The following FKBP1B variants were observed in gnomAD, a reference collection of about 807,000 sequenced individuals.
FKBP1B encodes peptidyl-prolyl cis-trans isomerase FKBP1B.
Under a neutral mutation model 13.5 loss-of-function variants are expected in FKBP1B, and 4 were observed. The observed-to-expected ratio is 0.30, with a 90% CI of 0.15 to 0.68. The LOEUF is 0.68. Among genes scored for constraint, FKBP1B ranks in the 30% least tolerant of loss-of-function variants. FKBP1B has a pLI of 0.76. For synonymous variants in FKBP1B, 54 were observed against 53.6 expected, an observed-to-expected ratio of 1.01 and a Z score of -0.03; for missense variants, 93 against 136.2, an observed-to-expected ratio of 0.68 and a Z score of 1.58.
chr2:24,062,970 T>C, intron 3 of FKBP1B, 94 bp from the exon 4 acceptor site: 2 of 1,573,874 alleles, frequency 1.3e-6, no homozygotes, highest in Middle Eastern at 1.7e-4. Context: ...ACATTGAGGA[T>C]GGTTTGGGAA....
At chr2:24,038,598 A>G in the FKBP1B span, 3 of 1,614,040 alleles carry the variant, frequency 1.9e-6, no homozygotes, top group Non-Finnish European at 2.5e-6. Context: ...GACAAATAAG[A>G]GAATTACCCT....
chr2:24,035,912 T>C, the FKBP1B span, among the ~76,000 whole-genome samples: 2 of 151,360 alleles, frequency 1.3e-5, no homozygotes, highest in African/African-American at 4.9e-5. Flanking sequence ...CTACTAAGAA[T>C]ACAAAAATTA....
the FKBP1B span, chr2:24,038,240 A>G: frequency 6.2e-7 from 1 of 1,614,162 alleles, no homozygotes; most frequent in Non-Finnish European, 8.5e-7. Context: ...TACTGATCAG[A>G]CTTTGAAGAA....
chr2:24,053,321 G>T (rs889885135), intron 1 of FKBP1B, among the ~76,000 whole-genome samples: 2 of 143,948 alleles, frequency 1.4e-5, no homozygotes, highest in African/African-American at 5.2e-5. Flanking sequence ...TAGAGATGGG[G>T]TCTCCCTATG....
In FKBP1B at chr2:24,051,625, G is replaced by A. The variant is rs566757734; in HGVS notation, c.37+1739G>A. Among the ~76,000 whole-genome samples the A allele has an allele frequency of 7.9e-5, 12 of 152,314 alleles. No individual in the cohort carries two copies. In the South Asian group the frequency reaches 1.2e-3, roughly 16 times the overall value. ...CACAGTTGAAACAGACAGGGTTCCC[G>A]CTATTGCTGGACTGAGGGCCTTTGA... On this transcript the variant is annotated intron_variant, in intron 1 of 3. Coordinates refer to ENST00000380986, the MANE Select transcript of FKBP1B (RefSeq NM_004116.5).
At chr2:24,055,194 C>CTTTTTTTTT (rs71395180) in intron 2 of FKBP1B, among the ~76,000 whole-genome samples, 2 of 131,178 alleles carry the variant, frequency 1.5e-5, no homozygotes, top group Non-Finnish European at 3.3e-5. Flanking sequence ...CATTGTTTTT[C>CTTTTTTTTT]TTTTTTTTTT....
the FKBP1B span, among the ~76,000 whole-genome samples, chr2:24,043,317 C>T: frequency 6.6e-6 from 1 of 152,108 alleles, no homozygotes. Flanking sequence ...GCCTGGACAA[C>T]AGAGTGAGAC....
At chr2:24,039,145 TG>T in the FKBP1B span, 1 of 1,614,182 alleles carries the variant, frequency 6.2e-7, no homozygotes, top group Non-Finnish European at 8.5e-7. Flanking sequence ...CACACAGCCC[TG>T]GGGAAGGATA....
intron 2 of FKBP1B, among the ~76,000 whole-genome samples, chr2:24,056,892 T>C (rs1372427324): frequency 1.3e-5 from 2 of 152,082 alleles, no homozygotes; most frequent in Admixed American, 1.3e-4. Flanking sequence ...GGTTTCGCCA[T>C]GTTGGCCAGG....
chr2:24,050,124 C>T lies in FKBP1B; in HGVS notation c.37+238C>T, dbSNP rs970999666. On this transcript the variant is annotated intron_variant, in intron 1 of 3. Transcript: ENST00000380986. The surrounding 1 kb of genome is among the most constrained non-coding windows in gnomAD (Gnocchi z 5.8). ...AGCTCGGAGGCGGGGGTCTGCGGCCCGGAGGCGGGGGTCTGCGGCCCGCCA... is the reference window on the plus strand; with the variant it reads ...AGCTCGGAGGCGGGGGTCTGCGGCCTGGAGGCGGGGGTCTGCGGCCCGCCA... 2.6e-5 allele frequency among the ~76,000 whole-genome samples: 4 copies of T among 151,814 alleles called. No homozygotes were observed. Among genetic ancestry groups the T allele is most frequent in the Non-Finnish European group, 4.4e-5 (3 of 67,910 alleles).
intron 2 of FKBP1B, among the ~76,000 whole-genome samples, chr2:24,056,650 A>C (rs1366130188): frequency 1.3e-5 from 2 of 151,790 alleles, no homozygotes; most frequent in Non-Finnish European, 2.9e-5. Flanking sequence ...TCCTCTTTAG[A>C]CTGCTCTAAT....
upstream of FKBP1B, among the ~76,000 whole-genome samples, chr2:24,048,531 TG>T (rs1398940122): frequency 6.0e-5 from 9 of 150,554 alleles, no homozygotes; most frequent in Admixed American, 3.3e-4. Context: ...TTACCCAGGC[TG>T]GTCTTGAACT....
Position 24,049,891 on chromosome 2 carries a change from CG to C in FKBP1B, c.37+8del, listed in dbSNP as rs1383128882. ...AGACCATCTCCCCCGGAGACGGTAC[CG>C]GGCTCCCTCCGGAGCCAGGGGAGGG... On this transcript the variant is annotated splice_donor_region_variant and intron_variant, in intron 1 of 3. Transcript: ENST00000380986. 5.7e-6 allele frequency: 8 copies of C among 1,410,132 alleles called. No homozygotes were observed. The African/African-American group carries it at 1.2e-4, about 21-fold the overall frequency. 87.4% of individuals were successfully genotyped at this position (1,410,132 alleles called of 1,614,324 possible).
chr2:24,036,175 C>T, the FKBP1B span, among the ~76,000 whole-genome samples: 2 of 151,752 alleles, frequency 1.3e-5, no homozygotes, highest in East Asian at 3.9e-4. Context: ...ACTGAAAACT[C>T]CATGTAGTTA....
At chr2:24,046,142 G>A (rs1663619884), upstream of FKBP1B, among the ~76,000 whole-genome samples, 1 of 151,924 alleles carries the variant, frequency 6.6e-6, no homozygotes, top group African/African-American at 2.4e-5. Context: ...AGTAGGGGAG[G>A]AACGTGTGTA....
intron 2 of FKBP1B, among the ~76,000 whole-genome samples, chr2:24,058,804 C>T (rs939339343): frequency 6.6e-6 from 1 of 152,226 alleles, no homozygotes; most frequent in African/African-American, 2.4e-5. Context: ...ATCTTAGCAA[C>T]CTTAGCAAAT....
chr2:24,049,345 G>C (rs896999520), upstream of FKBP1B, among the ~76,000 whole-genome samples: 2 of 151,982 alleles, frequency 1.3e-5, no homozygotes, highest in Non-Finnish European at 2.9e-5. Context: ...CTCCAGCCTG[G>C]GCGACAGAGC....
chr2:24,048,295 C>G (rs570562898), upstream of FKBP1B, among the ~76,000 whole-genome samples: 1 of 151,762 alleles, frequency 6.6e-6, no homozygotes, highest in African/African-American at 2.4e-5. Flanking sequence ...CATGGTGAAA[C>G]CCTGTCTCTA....
At chr2:24,060,172 C>T (rs542681919) in intron 2 of FKBP1B, among the ~76,000 whole-genome samples, 65 of 151,756 alleles carry the variant, frequency 4.3e-4, no homozygotes, top group African/African-American at 1.4e-3. Context: ...GAAATGGAGG[C>T]GAGTAAAAGA....
Sources: gnomAD v4.1 joint callset for allele counts (sites outside exome capture counted in the v4.1 genomes callset) on GRCh38, gnomAD v4.1.1 for gene constraint, Gnocchi (gnomAD v3.1) non-coding constraint, MANE v1.5 for transcripts, NCBI Gene and HGNC (gene_info 2026-07-23, HGNC 2026-07-21) for gene names.